Variants in PAXIP1 observed in about 807,000 individuals in gnomAD.
PAXIP1 encodes the protein PAX-interacting protein 1.
Under a neutral mutation model 140.6 loss-of-function variants are expected in PAXIP1, and 19 were observed. The ratio of observed to expected loss-of-function variants is 0.14; its 90% CI spans 0.09 to 0.20. PAXIP1 has a LOEUF of 0.20. Among genes scored for constraint, PAXIP1 ranks in the 10% least tolerant of loss-of-function variants. The pLI is 1.00. For synonymous variants in PAXIP1, 442 were observed against 444.6 expected (o/e 0.99, Z 0.07); for missense variants, 920 against 1,208.6 (o/e 0.76, Z 3.54).
Position 154,963,804 on chromosome 7 carries a change from C to T in PAXIP1, c.1894-38G>A. The T allele has an allele frequency of 1.4e-6, 2 of 1,399,720 alleles. No homozygotes were observed. The highest frequency in any genetic ancestry group is 2.0e-6 in the Non-Finnish European group (2 of 989,842). 86.7% of individuals were successfully genotyped at this position (1,399,720 alleles called of 1,614,324 possible). On this transcript the variant is annotated intron_variant, in intron 8 of 20. Transcript: ENST00000404141. The surrounding 1 kb of genome is among the most constrained non-coding windows in gnomAD (Gnocchi z 4.1). The stretch of plus-strand genomic sequence containing the variant: ...ACCCGACCAATGCAGTCATCAATCA[C>T]TCAGAATAGAGGAGAATTCCAATTT...
At chr7:155,000,321 G>A (rs1810832657) in intron 1 of PAXIP1, 1 of 152,210 alleles carries the variant, frequency 6.6e-6, no homozygotes, top group Admixed American at 6.5e-5. Flanking sequence ...TGACCTCTAA[G>A]CATTTTTAGC....
intron 1 of PAXIP1, 39 bp downstream of exon 1, chr7:155,002,810 G>T: frequency 8.2e-7 from 1 of 1,221,696 alleles, no homozygotes. Flanking sequence ...ACGGGGACGC[G>T]GACGGGGGAG....
At chr7:155,002,784 A>T in intron 1 of PAXIP1, 65 bp downstream of exon 1, 1 of 892,224 alleles carries the variant, frequency 1.1e-6, no homozygotes, top group African/African-American at 1.8e-5. Context: ...GGGGACGGGG[A>T]CGGGGACGGG....
At chr7:154,977,811 A>C (rs1037454318) in intron 5 of PAXIP1, among the ~76,000 whole-genome samples, 1 of 151,798 alleles carries the variant, frequency 6.6e-6, no homozygotes, top group Admixed American at 6.6e-5. Context: ...CAAATACTTT[A>C]TAATGTTCCT....
intron 17 of PAXIP1, 55 bp downstream of exon 17, chr7:154,947,848 G>T: frequency 8.1e-7 from 1 of 1,230,142 alleles, no homozygotes; most frequent in Non-Finnish European, 1.2e-6. Context: ...GTTCCCTTGA[G>T]CAGGTCCGTG....
chr7:154,990,115 C>T (rs543987545), intron 4 of PAXIP1, among the ~76,000 whole-genome samples: 5 of 146,742 alleles, frequency 3.4e-5, no homozygotes, highest in Non-Finnish European at 5.9e-5. Flanking sequence ...GATCTCAGCT[C>T]ACCACAACCT....
chr7:154,982,156 T>G (rs562542602), intron 5 of PAXIP1, among the ~76,000 whole-genome samples: 17 of 152,252 alleles, frequency 1.1e-4, no homozygotes, highest in Non-Finnish European at 2.4e-4. Context: ...GCATACTGTT[T>G]ATTACTTAAA....
chr7:154,964,729 G>C (rs1461380270), intron 8 of PAXIP1: 2 of 152,104 alleles, frequency 1.3e-5, no homozygotes, highest in African/African-American at 2.4e-5. Context: ...AAGCCTTCCT[G>C]ATTTGGTTAT....
At chr7:154,971,580 C>G (rs1418487966) in intron 6 of PAXIP1, among the ~76,000 whole-genome samples, 1 of 152,202 alleles carries the variant, frequency 6.6e-6, no homozygotes, top group African/African-American at 2.4e-5. Flanking sequence ...CATGTTAGTC[C>G]TGGAGAACGT....
intron 6 of PAXIP1, among the ~76,000 whole-genome samples, chr7:154,970,056 G>A (rs1378104799): frequency 3.3e-5 from 5 of 152,186 alleles, no homozygotes; most frequent in Non-Finnish European, 5.9e-5. Context: ...CCACCAAGCA[G>A]AGTAAGTTAT....
rs1302574841 is a variant in PAXIP1, at chr7:154,946,342, T to C, written c.3194+23A>G. On this transcript the variant is annotated intron_variant, in intron 20 of 20. Coordinates refer to ENST00000404141, the MANE Select transcript of PAXIP1 (RefSeq NM_007349.4). This position sits in a 1 kb window ranked among gnomAD's most constrained non-coding sequence, Gnocchi z 4.9. ...TTTCATATCTAACCCGTCTACTTTT[T>C]AATTCTCTTTTGGAAAGGATATGAT... The C allele has an allele frequency of 6.2e-7, 1 of 1,613,724 alleles. No homozygotes were observed. The highest frequency in any genetic ancestry group is 8.5e-7 in the Non-Finnish European group (1 of 1,179,778).
chr7:154,964,262 C>T (rs1234431170), intron 8 of PAXIP1: 1 of 154,376 alleles, frequency 6.5e-6, no homozygotes, highest in African/African-American at 2.4e-5. Context: ...TAAATCCCAA[C>T]AGTTTCTTCT....
chr7:154,983,942 A>G (rs886660236), intron 4 of PAXIP1, among the ~76,000 whole-genome samples: 1 of 152,238 alleles, frequency 6.6e-6, no homozygotes, highest in African/African-American at 2.4e-5. Context: ...ACAATGGCTT[A>G]TGCAGTCAAA....
At chr7:154,993,941 T>C (rs1469279122) in intron 2 of PAXIP1, among the ~76,000 whole-genome samples, 172 bp from the exon 3 acceptor site, 2 of 152,216 alleles carry the variant, frequency 1.3e-5, no homozygotes, top group African/African-American at 4.8e-5. Context: ...TAGTTACTAA[T>C]ACCCAAGATG....
At position 154,986,056 on chromosome 7, in the gene PAXIP1, C is replaced by T. The variant is rs1810056154; in HGVS notation, c.325-2724G>A. 3 of 1,365,286 alleles carry T rather than the reference C, an allele frequency of 2.2e-6. No homozygotes were observed. Among genetic ancestry groups the T allele is most frequent in the South Asian group, 1.1e-5 (1 of 87,522 alleles). The allele number at this position is 1,365,286 out of a possible 1,614,324, so 84.6% of individuals were successfully genotyped here. ...CAGAGGCCTCAGCCTGCATCAATAC[C>T]GGGTCAGAAGAAGGCAGATGATCTC... On this transcript the variant is annotated intron_variant, in intron 4 of 20. Transcript: ENST00000404141. This position sits in a 1 kb window ranked among gnomAD's most constrained non-coding sequence, Gnocchi z 4.8.
chr7:154,990,782 A>C (rs1177791199), intron 4 of PAXIP1, among the ~76,000 whole-genome samples: 1 of 152,078 alleles, frequency 6.6e-6, no homozygotes, highest in Non-Finnish European at 1.5e-5. Context: ...CAAGTTTTAA[A>C]TCTTTTTTAT....
At chr7:154,983,059 C>A (rs925852691) in intron 5 of PAXIP1, among the ~76,000 whole-genome samples, 160 bp downstream of exon 5, 1 of 152,064 alleles carries the variant, frequency 6.6e-6, no homozygotes. Flanking sequence ...CATCTCACAT[C>A]GTTTGTGGAA....
Position 154,968,758 on chromosome 7 carries a change from C to G in PAXIP1, c.1443G>C (p.Leu481=), listed in dbSNP as rs1173934962. Residue 481 remains leucine (L), a synonymous_variant, in exon 7 of 21, where the codon CTG becomes CTC. Transcript: ENST00000404141. ...PQQQLHPPQQ[L]HRPQQQLQPF... ...GCTGGAGCTGCTGCTGAGGGCGATG[C>G]AGCTGCTGTGGAGGATGCAACTGTT... is the stretch of plus-strand genomic sequence containing the variant. The G allele has an allele frequency of 2.8e-6, 2 of 719,316 alleles. No homozygotes were observed. The highest frequency in any genetic ancestry group is 2.6e-6 in the Non-Finnish European group (1 of 385,974). 44.6% of individuals were successfully genotyped at this position (719,316 alleles called of 1,614,324 possible). A position where few individuals can be genotyped will look rare whatever the true frequency, so the allele number is the denominator to read the frequency against.
chr7:154,960,800 C>T lies in PAXIP1; in HGVS notation c.2434+93G>A, dbSNP rs377064893. On this transcript the variant is annotated intron_variant, in intron 12 of 20. Coordinates refer to ENST00000404141, the MANE Select transcript of PAXIP1 (RefSeq NM_007349.4). ...CAAAAACTAATTAGAAAGCTCAAGC[C>T]AGGCCTGGTAATTAGTATGAATAAA... 1.1e-5 allele frequency: 10 copies of T among 888,962 alleles called. No homozygotes were observed. In the East Asian group the frequency reaches 2.6e-4, roughly 23 times the overall value. The allele number at this position is 888,962 out of a possible 1,614,324, so 55.1% of individuals were successfully genotyped here.
Sources: allele counts gnomAD v4.1 joint callset (sites outside exome capture counted in the v4.1 genomes callset), GRCh38; gene constraint gnomAD v4.1.1; non-coding constraint Gnocchi (gnomAD v3.1); transcripts MANE v1.5; gene names NCBI Gene and HGNC (gene_info 2026-07-23, HGNC 2026-07-21).